SPATA1: variants seen among roughly 807,000 people sequenced by gnomAD.
SPATA1 encodes spermatogenesis associated 1.
Under a neutral mutation model 59.6 loss-of-function variants are expected in SPATA1, and 57 were observed. The observed-to-expected ratio is 0.96, with a 90% CI of 0.77 to 1.19. The LOEUF (loss-of-function observed/expected upper bound fraction) is 1.19. Among genes scored for constraint, SPATA1 ranks in the 50% most tolerant of loss-of-function variants. The probability of loss-of-function intolerance (pLI) is 0.00; values close to 1 mark genes in which losing one functional copy is unlikely to be tolerated. For missense variants in SPATA1, 448 were observed against 480.7 expected (o/e 0.93, Z 0.64); for synonymous variants, 147 against 163.9 (o/e 0.90, Z 0.79).
intron 4 of SPATA1, chr1:84,563,980 C>A: frequency 1.2e-6 from 1 of 846,676 alleles, no homozygotes; most frequent in Non-Finnish European, 1.6e-6. Context: ...TAAAACATCC[C>A]TTAAGAACCA....
chr1:84,541,335 G>A (rs1282563270), intron 8 of SPATA1, among the ~76,000 whole-genome samples: 4 of 151,614 alleles, frequency 2.6e-5, no homozygotes, highest in Non-Finnish European at 5.9e-5. Context: ...TTTCTTTCAG[G>A]GGCAACAATT....
At chr1:84,553,341 T>C in exon 13 of SPATA1, 1 of 231,428 alleles carries the variant, frequency 4.3e-6, no homozygotes, top group Non-Finnish European at 8.7e-6. Flanking sequence ...GTCCTTTACA[T>C]ATTATTTTAC....
exon 3 of SPATA1, chr1:84,520,656 AGTT>A: frequency 2.5e-6 from 4 of 1,575,180 alleles, no homozygotes; most frequent in Non-Finnish European, 3.4e-6. Context: ...TTTCAACAGA[AGTT>A]GTTAACAAAT....
exon 13 of SPATA1, chr1:84,553,185 T>C (rs1684329973): frequency 1.0e-6 from 1 of 966,230 alleles, no homozygotes; most frequent in South Asian, 1.7e-5. Context: ...AACAGATTTG[T>C]TTAACCATTA....
chr1:84,533,897 T>C (rs1441122061), intron 8 of SPATA1, 131 bp downstream of exon 8: 5 of 558,882 alleles, frequency 8.9e-6, no homozygotes, highest in African/African-American at 4.0e-5. Flanking sequence ...ATATAATCAA[T>C]AGTAGTCCAA....
At chr1:84,558,192 CAT>C (rs762671178), downstream of SPATA1, among the ~76,000 whole-genome samples, 2 of 152,016 alleles carry the variant, frequency 1.3e-5, no homozygotes, top group African/African-American at 2.4e-5. Flanking sequence ...TGAGGTAATA[CAT>C]ATGTTAAATA....
intron 2 of SPATA1, among the ~76,000 whole-genome samples, chr1:84,518,884 A>AT (rs1040060468): frequency 6.6e-6 from 1 of 151,558 alleles, no homozygotes; most frequent in Non-Finnish European, 1.5e-5. Flanking sequence ...CCTACTTATT[A>AT]TTTTTTCCTA....
intron 8 of SPATA1, among the ~76,000 whole-genome samples, chr1:84,538,471 G>T (rs1265808661): frequency 2.0e-5 from 3 of 152,180 alleles, no homozygotes; most frequent in Non-Finnish European, 4.4e-5. Flanking sequence ...CCTTAGGTAA[G>T]ACATATGTTT....
At chr1:84,509,406 C>T (rs1272001266) in intron 1 of SPATA1, among the ~76,000 whole-genome samples, 1 of 152,122 alleles carries the variant, frequency 6.6e-6, no homozygotes, top group African/African-American at 2.4e-5. Flanking sequence ...CCTCGTATAC[C>T]AAAATCAAAT....
chr1:84,507,205 G>C (rs565441788), intron 1 of SPATA1: 1 of 152,174 alleles, frequency 6.6e-6, no homozygotes, highest in African/African-American at 2.4e-5. Context: ...GTCAATCTCC[G>C]AATGCGCTGA....
intron 1 of SPATA1, among the ~76,000 whole-genome samples, chr1:84,508,852 TAACC>T (rs1331506451): frequency 1.3e-5 from 2 of 152,230 alleles, no homozygotes; most frequent in East Asian, 3.9e-4. Flanking sequence ...ACTTAGGAAT[TAACC>T]AAGGAAGTTA....
chr1:84,555,189 C>A (rs751010887), downstream of SPATA1: 45 of 1,610,496 alleles, frequency 2.8e-5, no homozygotes, highest in Middle Eastern at 1.3e-3. Flanking sequence ...ATGAAAGTGG[C>A]CAGCAGGATC....
intron 4 of SPATA1, chr1:84,563,429 A>G: frequency 3.4e-6 from 5 of 1,481,526 alleles, no homozygotes; most frequent in Non-Finnish European, 4.5e-6. Flanking sequence ...CTAGAAATGC[A>G]AAAGTGCTCA....
intron 8 of SPATA1, among the ~76,000 whole-genome samples, chr1:84,541,858 T>C (rs918525646): frequency 2.6e-5 from 4 of 152,208 alleles, no homozygotes; most frequent in Non-Finnish European, 5.9e-5. Context: ...ACAGGGAGTG[T>C]TGTTTTGGTG....
chr1:84,511,679 C>CTTTTT (rs1310907189), intron 1 of SPATA1, among the ~76,000 whole-genome samples: 53 of 67,590 alleles, frequency 7.8e-4, no homozygotes, highest in East Asian at 1.3e-3. Flanking sequence ...TTCTTTCTTT[C>CTTTTT]TTTTTTTTTT....
chr1:84,538,486 G>A (rs1683790480), intron 8 of SPATA1, among the ~76,000 whole-genome samples: 1 of 152,126 alleles, frequency 6.6e-6, no homozygotes, highest in South Asian at 2.1e-4. Context: ...ATGTTTCTTA[G>A]GGGGTAGGAG....
At chr1:84,512,012 A>G (rs1682586671) in intron 1 of SPATA1, among the ~76,000 whole-genome samples, 2 of 152,118 alleles carry the variant, frequency 1.3e-5, no homozygotes. Context: ...TGTTTACCTA[A>G]GACAGGTTAA....
At chr1:84,556,710 C>CAAAAAAA (rs11417377), downstream of SPATA1, among the ~76,000 whole-genome samples, 1 of 93,492 alleles carries the variant, frequency 1.1e-5, no homozygotes, top group African/African-American at 3.7e-5. Context: ...GACTCCGTCT[C>CAAAAAAA]AAAAAAAAAA....
downstream of SPATA1, chr1:84,555,334 T>C (rs1403435079): frequency 3.3e-6 from 2 of 601,820 alleles, no homozygotes; most frequent in South Asian, 3.1e-5. Flanking sequence ...TCAAAAAGGA[T>C]ACAATGAAAT....
Sources: allele counts gnomAD v4.1 joint callset (sites outside exome capture counted in the v4.1 genomes callset), GRCh38; gene constraint gnomAD v4.1.1; transcripts MANE v1.5; gene names NCBI Gene and HGNC (gene_info 2026-07-23, HGNC 2026-07-21).